Variants in CSMD2 observed in about 807,000 individuals in gnomAD.
The protein encoded by CSMD2 is CUB and sushi domain-containing protein 2.
A neutral mutation model predicts 398.5 loss-of-function variants in CSMD2; 130 were observed. That is an observed-to-expected ratio of 0.33 (90% CI 0.28 to 0.38). The LOEUF (loss-of-function observed/expected upper bound fraction) is 0.38, where lower values mean the gene tolerates loss of function less well. Ranked by LOEUF, CSMD2 falls within the 10% of genes least tolerant of loss-of-function variation. CSMD2 has a pLI of 1.00. For synonymous variants in CSMD2, 1,828 were observed against 1,908.5 expected, an observed-to-expected ratio of 0.96 and a Z score of 1.10; for missense variants, 3,829 against 4,764.9, an observed-to-expected ratio of 0.80 and a Z score of 5.78.
chr1:33,527,867 G>C (rs10798960), intron 64 of CSMD2, among the ~76,000 whole-genome samples: 92,669 of 150,618 alleles, frequency 0.62, 28,753 homozygotes, highest in East Asian at 0.72. Context: ...TGTGAACCTG[G>C]GAGGCGGAGC....
intron 1 of CSMD2, among the ~76,000 whole-genome samples, chr1:34,127,446 G>A (rs1305891201): frequency 1.3e-5 from 2 of 152,146 alleles, no homozygotes; most frequent in East Asian, 3.9e-4. Context: ...AGGGGTCCTG[G>A]GCTCTGGGAA....
intron 5 of CSMD2, chr1:33,864,571 CAG>C (rs756886955): frequency 1.5e-5 from 25 of 1,613,936 alleles, no homozygotes; most frequent in Non-Finnish European, 2.0e-5. Context: ...GCCAAGGCCA[CAG>C]GGAAGATGTG....
chr1:33,601,962 A>G (rs1469386203), intron 43 of CSMD2, among the ~76,000 whole-genome samples: 2 of 152,242 alleles, frequency 1.3e-5, no homozygotes, highest in Non-Finnish European at 2.9e-5. Flanking sequence ...TCAGCACCAG[A>G]TGACCAACGG....
intron 25 of CSMD2, among the ~76,000 whole-genome samples, chr1:33,681,544 T>C (rs1419381957): frequency 6.6e-6 from 1 of 152,204 alleles, no homozygotes; most frequent in East Asian, 1.9e-4. Flanking sequence ...TTACACACAA[T>C]CTTTCATAGT....
rs765656645 is a variant in CSMD2, at chr1:33,636,598, C to A, written c.4775-44G>T. The A allele has an allele frequency of 1.9e-6, 3 of 1,553,790 alleles. No individual in the cohort carries two copies. The highest frequency in any genetic ancestry group is 1.4e-5 in the African/African-American group (1 of 73,648). The stretch of plus-strand genomic sequence containing the variant: ...AACACGTGCACACACACAGAGGGCT[C>A]ATGAGGAGGCTATTCTTGGGCTCCA... On this transcript the variant is annotated intron_variant, in intron 29 of 70. Coordinates refer to ENST00000373381, the MANE Select transcript of CSMD2 (RefSeq NM_001281956.2). The surrounding 1 kb of genome is among the most constrained non-coding windows in gnomAD (Gnocchi z 4.8).
chr1:34,137,224 C>T (rs980684166), intron 1 of CSMD2, among the ~76,000 whole-genome samples: 7 of 152,060 alleles, frequency 4.6e-5, no homozygotes, highest in South Asian at 2.1e-4. Context: ...TTCATCCCAC[C>T]CCATAGCCTA....
intron 49 of CSMD2, among the ~76,000 whole-genome samples, chr1:33,576,112 C>T (rs189598128): frequency 6.1e-4 from 93 of 152,020 alleles, no homozygotes; most frequent in Non-Finnish European, 1.1e-3. Context: ...CGTTATGATG[C>T]GAGAATCTCA....
At chr1:33,879,242 C>T (rs963356087) in intron 5 of CSMD2, among the ~76,000 whole-genome samples, 2 of 152,152 alleles carry the variant, frequency 1.3e-5, no homozygotes, top group Admixed American at 6.5e-5. Context: ...AAATAGTCTG[C>T]TGTCCTCCCC....
chr1:33,577,703 A>C (rs1398371442), intron 48 of CSMD2, among the ~76,000 whole-genome samples: 3 of 152,026 alleles, frequency 2.0e-5, no homozygotes, highest in African/African-American at 4.8e-5. Flanking sequence ...AAAACAAAAC[A>C]AAAAAAACCA....
intron 15 of CSMD2, among the ~76,000 whole-genome samples, chr1:33,728,182 C>T (rs1646601842): frequency 6.6e-6 from 1 of 152,178 alleles, no homozygotes; most frequent in African/African-American, 2.4e-5. Flanking sequence ...CTCCTTTGTA[C>T]TCCCTTACTA....
chr1:33,876,418 C>G (rs1247147715), intron 5 of CSMD2, among the ~76,000 whole-genome samples: 3 of 152,154 alleles, frequency 2.0e-5, no homozygotes, highest in African/African-American at 7.2e-5. Flanking sequence ...AATGGCAACA[C>G]CAAAAGCTGT....
intron 5 of CSMD2, among the ~76,000 whole-genome samples, chr1:33,915,836 A>C (rs996571242): frequency 2.0e-5 from 3 of 152,190 alleles, no homozygotes; most frequent in Non-Finnish European, 4.4e-5. Context: ...CAGATATCGC[A>C]TGTCATAATA....
At chr1:33,656,147 G>A (rs1440554309) in intron 27 of CSMD2, among the ~76,000 whole-genome samples, 2 of 152,084 alleles carry the variant, frequency 1.3e-5, no homozygotes. Flanking sequence ...AGGGAAGGAT[G>A]AAAAGAAGGA....
At chr1:33,811,219 G>T (rs1449865187) in intron 9 of CSMD2, among the ~76,000 whole-genome samples, 1 of 152,066 alleles carries the variant, frequency 6.6e-6, no homozygotes, top group African/African-American at 2.4e-5. Flanking sequence ...TAGGTGGATC[G>T]CAGGCACCTA....
chr1:33,733,171 G>A (rs909825319), intron 15 of CSMD2, among the ~76,000 whole-genome samples: 1 of 152,200 alleles, frequency 6.6e-6, no homozygotes, highest in African/African-American at 2.4e-5. Context: ...GTGACCAGAA[G>A]TAGTGGAAGT....
At chr1:34,079,861 TA>T (rs1656857108) in intron 2 of CSMD2, among the ~76,000 whole-genome samples, 1 of 152,118 alleles carries the variant, frequency 6.6e-6, no homozygotes, top group African/African-American at 2.4e-5. Context: ...CGCTTAAAAG[TA>T]ATAGAAAGCA....
At chr1:34,092,331 C>A (rs150537325) in intron 1 of CSMD2, among the ~76,000 whole-genome samples, 1 of 152,234 alleles carries the variant, frequency 6.6e-6, no homozygotes, top group East Asian at 1.9e-4. Flanking sequence ...GGATGAAAAG[C>A]CCAATGACCC....
chr1:33,786,742 C>A (rs995616693), intron 12 of CSMD2, among the ~76,000 whole-genome samples: 4 of 152,188 alleles, frequency 2.6e-5, no homozygotes, highest in African/African-American at 9.7e-5. Flanking sequence ...GAGTCTGTCA[C>A]CCCATAAGTA....
intron 49 of CSMD2, among the ~76,000 whole-genome samples, chr1:33,574,132 T>C (rs1295415430): frequency 1.3e-5 from 2 of 152,218 alleles, no homozygotes; most frequent in African/African-American, 4.8e-5. Flanking sequence ...GCACCTCTTG[T>C]GAACCCTTTC....
Sources: gnomAD v4.1 joint callset for allele counts (sites outside exome capture counted in the v4.1 genomes callset) on GRCh38, gnomAD v4.1.1 for gene constraint, Gnocchi (gnomAD v3.1) non-coding constraint, MANE v1.5 for transcripts, NCBI Gene and HGNC (gene_info 2026-07-23, HGNC 2026-07-21) for gene names.